SV2C: variants seen among roughly 807,000 people sequenced by gnomAD.
SV2C encodes the protein solute carrier family 22 member B3.
A neutral mutation model predicts 79.7 loss-of-function variants in SV2C; 49 were observed. The ratio of observed to expected loss-of-function variants is 0.61; its 90% CI spans 0.49 to 0.78. The LOEUF is 0.78. SV2C is among the 30% of genes least tolerant of loss of function. The probability of loss-of-function intolerance (pLI) is 0.00; values close to 1 mark genes in which losing one functional copy is unlikely to be tolerated. For synonymous variants in SV2C, 334 were observed against 333.2 expected (o/e 1.00, Z -0.03); for missense variants, 833 against 912.9 (o/e 0.91, Z 1.13).
chr5:76,152,997 T>G (rs1238644454), intron 2 of SV2C, among the ~76,000 whole-genome samples: 1 of 152,184 alleles, frequency 6.6e-6, no homozygotes, highest in Non-Finnish European at 1.5e-5. Flanking sequence ...ATATAGCTGC[T>G]ATATGGGAGT....
chr5:75,852,751 A>G, the SV2C span, among the ~76,000 whole-genome samples: 3 of 149,488 alleles, frequency 2.0e-5, no homozygotes, highest in Non-Finnish European at 4.4e-5. Context: ...GCGTGAACCC[A>G]GGAGGCGGAG....
At chr5:76,127,933 C>T (rs1748764462) in intron 1 of SV2C, among the ~76,000 whole-genome samples, 1 of 152,186 alleles carries the variant, frequency 6.6e-6, no homozygotes, top group South Asian at 2.1e-4. Flanking sequence ...CGCCCTGCTC[C>T]CTGACTCCCT....
intron 4 of SV2C, among the ~76,000 whole-genome samples, chr5:76,254,158 A>G (rs144501233): frequency 0.017 from 2,382 of 144,280 alleles, 67 homozygotes; most frequent in African/African-American, 0.061. Flanking sequence ...ATATATATAT[A>G]TATGTGTGTG....
chr5:76,142,816 C>T (rs1419678750), intron 2 of SV2C, among the ~76,000 whole-genome samples: 2 of 151,756 alleles, frequency 1.3e-5, no homozygotes, highest in African/African-American at 4.8e-5. Context: ...AAATGCCAGA[C>T]AACACAGGCC....
intron 1 of SV2C, among the ~76,000 whole-genome samples, chr5:76,109,033 A>G (rs1169889470): frequency 6.6e-6 from 1 of 152,156 alleles, no homozygotes; most frequent in Non-Finnish European, 1.5e-5. Context: ...TAATTATAGA[A>G]CCATCCTTTT....
At chr5:76,209,702 C>T in intron 3 of SV2C, 34 bp from the exon 4 acceptor site, 2 of 1,602,996 alleles carry the variant, frequency 1.2e-6, no homozygotes, top group Non-Finnish European at 1.7e-6. Flanking sequence ...CTGTCCACAC[C>T]CTGATTTCAT....
the SV2C span, among the ~76,000 whole-genome samples, chr5:75,854,330 T>C: frequency 1.3e-5 from 2 of 152,230 alleles, no homozygotes; most frequent in Non-Finnish European, 2.9e-5. Flanking sequence ...AGAACATTCA[T>C]GTACAAGTCA....
the SV2C span, among the ~76,000 whole-genome samples, chr5:75,903,660 A>T: frequency 6.6e-6 from 1 of 152,222 alleles, no homozygotes; most frequent in African/African-American, 2.4e-5. Context: ...GATGAAGATG[A>T]TGAGACCCTT....
At chr5:75,851,962 C>T in the SV2C span, among the ~76,000 whole-genome samples, 2 of 152,104 alleles carry the variant, frequency 1.3e-5, no homozygotes, top group Non-Finnish European at 1.5e-5. Flanking sequence ...CGCGCCTGGC[C>T]GAAACATTGG....
the SV2C span, among the ~76,000 whole-genome samples, chr5:75,883,085 A>C: frequency 6.9e-6 from 1 of 145,922 alleles, no homozygotes; most frequent in African/African-American, 2.6e-5. Context: ...AAAACACATG[A>C]AAAAATGCTC....
chr5:76,271,859 A>G (rs1243792230), intron 4 of SV2C, among the ~76,000 whole-genome samples: 1 of 152,136 alleles, frequency 6.6e-6, no homozygotes, highest in East Asian at 1.9e-4. Context: ...TTCCAGAGTC[A>G]CATTTTCATC....
chr5:76,136,912 C>A (rs1423107), intron 2 of SV2C, among the ~76,000 whole-genome samples: 1 of 152,094 alleles, frequency 6.6e-6, no homozygotes, highest in Admixed American at 6.6e-5. Context: ...ATTGTGAAGA[C>A]CTTAATGCCA....
chr5:75,994,949 C>T, the SV2C span, among the ~76,000 whole-genome samples: 4 of 152,146 alleles, frequency 2.6e-5, no homozygotes, highest in African/African-American at 4.8e-5. Context: ...GTGTAGCTGA[C>T]CTGATAACTA....
chr5:75,990,575 G>A, the SV2C span, among the ~76,000 whole-genome samples: 7 of 151,832 alleles, frequency 4.6e-5, no homozygotes, highest in Non-Finnish European at 7.4e-5. Flanking sequence ...TTATACCTGG[G>A]GTTTCAGAGA....
intron 1 of SV2C, among the ~76,000 whole-genome samples, chr5:76,122,790 A>C (rs1391644282): frequency 6.6e-6 from 1 of 152,098 alleles, no homozygotes; most frequent in Non-Finnish European, 1.5e-5. Context: ...CAAAATTGAC[A>C]CCCTAACATC....
At chr5:76,310,341 AT>A (rs1413330608) in intron 12 of SV2C, among the ~76,000 whole-genome samples, 2 of 152,220 alleles carry the variant, frequency 1.3e-5, no homozygotes, top group African/African-American at 4.8e-5. Context: ...TAAAGCTGAC[AT>A]TTGAGCAAAG....
At chr5:76,196,052 G>A (rs1744262685) in intron 3 of SV2C, among the ~76,000 whole-genome samples, 1 of 152,110 alleles carries the variant, frequency 6.6e-6, no homozygotes, top group South Asian at 2.1e-4. Flanking sequence ...GGGAAACGGG[G>A]CTGGGTTATA....
At chr5:75,896,214 GC>G in the SV2C span, among the ~76,000 whole-genome samples, 1 of 67,784 alleles carries the variant, frequency 1.5e-5, no homozygotes, top group Non-Finnish European at 3.2e-5. Flanking sequence ...CCCTCCCCCC[GC>G]CCCCTACCCC....
intron 4 of SV2C, among the ~76,000 whole-genome samples, chr5:76,235,714 A>G (rs72773782): frequency 0.011 from 1,617 of 152,196 alleles, 19 homozygotes; most frequent in Admixed American, 0.022. Flanking sequence ...AAGCATAATA[A>G]AACATCTGTG....
Sources: gnomAD v4.1 joint callset for allele counts (sites outside exome capture counted in the v4.1 genomes callset) on GRCh38, gnomAD v4.1.1 for gene constraint, MANE v1.5 for transcripts, NCBI Gene and HGNC (gene_info 2026-07-23, HGNC 2026-07-21) for gene names.